Variants in EXOC4 observed in about 807,000 individuals in gnomAD.
The protein encoded by EXOC4 is SEC8-like 1.
In EXOC4, 71 loss-of-function variants were observed where a neutral mutation model predicts 107.2. The observed-to-expected ratio is 0.66, with a 90% CI of 0.55 to 0.81. The LOEUF (loss-of-function observed/expected upper bound fraction) is 0.81. Ranked by LOEUF, EXOC4 falls within the 30% of genes least tolerant of loss-of-function variation. The pLI, the probability that EXOC4 is intolerant of heterozygous loss-of-function variation, is 0.00. For missense variants in EXOC4, 1,108 were observed against 1,189.6 expected (o/e 0.93, Z 1.01); for synonymous variants, 456 against 441.2 (o/e 1.03, Z -0.42).
chr7:133,352,107 C>T (rs1358898080), intron 5 of EXOC4, among the ~76,000 whole-genome samples: 1 of 151,684 alleles, frequency 6.6e-6, no homozygotes, highest in Non-Finnish European at 1.5e-5. Context: ...TATGGTTTGT[C>T]CTGGAAAATG....
At chr7:133,834,097 T>C (rs1456124185) in intron 11 of EXOC4, among the ~76,000 whole-genome samples, 1 of 152,202 alleles carries the variant, frequency 6.6e-6, no homozygotes, top group Non-Finnish European at 1.5e-5. Flanking sequence ...TAAAAAGCTG[T>C]CCTTATTTGA....
Position 134,064,530 on chromosome 7 carries a change from A to G in EXOC4, c.*2A>G. ...GACAAGAAGATAACTACCGTTTAGC[A>G]GGGCGTACTGCGGTTGGTGACGGGG... On this transcript the variant is annotated 3_prime_UTR_variant, in exon 18 of 18. Transcript: ENST00000253861. 1 of 1,583,404 alleles carries G rather than the reference A, an allele frequency of 6.3e-7. No homozygotes were observed. The highest frequency in any genetic ancestry group is 8.6e-7 in the Non-Finnish European group (1 of 1,163,034).
At chr7:133,540,991 A>C (rs1800368847) in intron 9 of EXOC4, among the ~76,000 whole-genome samples, 1 of 152,166 alleles carries the variant, frequency 6.6e-6, no homozygotes, top group Non-Finnish European at 1.5e-5. Context: ...TAGGAAAAGG[A>C]AAGGTTTTAC....
At chr7:133,855,104 A>ATATAAAT (rs1798334354) in intron 11 of EXOC4, among the ~76,000 whole-genome samples, 1 of 61,906 alleles carries the variant, frequency 1.6e-5, no homozygotes, top group African/African-American at 6.1e-5. Context: ...TATATATATA[A>ATATAAAT]ATATATATAA....
intron 9 of EXOC4, among the ~76,000 whole-genome samples, chr7:133,483,822 A>C (rs1398038143): frequency 6.6e-6 from 1 of 152,210 alleles, no homozygotes; most frequent in East Asian, 1.9e-4. Context: ...CTTCCATTAA[A>C]AACGGCTGTC....
At chr7:134,024,737 C>T (rs376390745) in intron 17 of EXOC4, among the ~76,000 whole-genome samples, 2 of 152,156 alleles carry the variant, frequency 1.3e-5, no homozygotes, top group Admixed American at 6.5e-5. Flanking sequence ...ACCTCAGCTT[C>T]GCCCATCAGA....
At chr7:133,935,674 A>G (rs1050809357) in intron 13 of EXOC4, among the ~76,000 whole-genome samples, 1 of 152,206 alleles carries the variant, frequency 6.6e-6, no homozygotes, top group Non-Finnish European at 1.5e-5. Flanking sequence ...AATAGTTTTT[A>G]CCAAGTAAAA....
chr7:133,718,501 T>C (rs1180558795), intron 10 of EXOC4, among the ~76,000 whole-genome samples: 1 of 152,110 alleles, frequency 6.6e-6, no homozygotes, highest in Non-Finnish European at 1.5e-5. Context: ...AGCCAGCCCA[T>C]TGTCCAGGCA....
chr7:133,654,484 G>T (rs1311832890), intron 10 of EXOC4, among the ~76,000 whole-genome samples: 1 of 152,146 alleles, frequency 6.6e-6, no homozygotes, highest in African/African-American at 2.4e-5. Flanking sequence ...TACAGGTGGT[G>T]GTTGTAGAAA....
intron 9 of EXOC4, among the ~76,000 whole-genome samples, chr7:133,574,655 C>T (rs1175551715): frequency 6.6e-6 from 1 of 152,124 alleles, no homozygotes. Context: ...GAATGAAGCT[C>T]GTGGTCAGCA....
At chr7:133,683,628 A>C (rs1362695090) in intron 10 of EXOC4, among the ~76,000 whole-genome samples, 1 of 152,156 alleles carries the variant, frequency 6.6e-6, no homozygotes, top group African/African-American at 2.4e-5. Flanking sequence ...CCCCGTTTAA[A>C]AGCTCTACCC....
intron 9 of EXOC4, among the ~76,000 whole-genome samples, chr7:133,578,439 G>A (rs1801180100): frequency 6.6e-6 from 1 of 152,114 alleles, no homozygotes; most frequent in African/African-American, 2.4e-5. Flanking sequence ...TCTCATATGA[G>A]TGATCGTAGA....
the EXOC4 span, among the ~76,000 whole-genome samples, chr7:134,079,535 T>A: frequency 3.3e-5 from 5 of 152,192 alleles, no homozygotes; most frequent in Admixed American, 1.3e-4. Context: ...CCAGTACTAT[T>A]CCTGTTTAGA....
intron 10 of EXOC4, among the ~76,000 whole-genome samples, chr7:133,711,384 A>G (rs1367518138): frequency 6.6e-6 from 1 of 152,208 alleles, no homozygotes; most frequent in Admixed American, 6.5e-5. Flanking sequence ...AGAGAGTTTC[A>G]TGGATTTTTG....
chr7:133,887,988 A>T (rs1202593023), intron 11 of EXOC4, among the ~76,000 whole-genome samples: 2 of 152,194 alleles, frequency 1.3e-5, no homozygotes, highest in African/African-American at 4.8e-5. Flanking sequence ...CAGAAAAGGA[A>T]GTTGAACTTC....
chr7:133,981,585 A>G (rs1793979880), intron 14 of EXOC4, among the ~76,000 whole-genome samples: 1 of 152,184 alleles, frequency 6.6e-6, no homozygotes, highest in Non-Finnish European at 1.5e-5. Context: ...CTATTATTAA[A>G]AAGTCAGAAA....
At chr7:134,017,408 C>T (rs1428937889) in intron 17 of EXOC4, among the ~76,000 whole-genome samples, 1 of 152,040 alleles carries the variant, frequency 6.6e-6, no homozygotes, top group African/African-American at 2.4e-5. Context: ...CTTCCACTGC[C>T]AGATAGAAAG....
chr7:134,047,912 C>T (rs936292399), intron 17 of EXOC4, among the ~76,000 whole-genome samples: 1 of 152,204 alleles, frequency 6.6e-6, no homozygotes, highest in Non-Finnish European at 1.5e-5. Context: ...TGATGCGAGG[C>T]TGGCCATGCC....
chr7:133,385,234 A>G (rs1355840250), intron 7 of EXOC4, among the ~76,000 whole-genome samples: 7 of 152,170 alleles, frequency 4.6e-5, no homozygotes, highest in Non-Finnish European at 8.8e-5. Flanking sequence ...GGTAGCTCAG[A>G]TTTAAATGGA....
Sources: allele counts gnomAD v4.1 joint callset (sites outside exome capture counted in the v4.1 genomes callset), GRCh38; gene constraint gnomAD v4.1.1; transcripts MANE v1.5; gene names NCBI Gene and HGNC (gene_info 2026-07-23, HGNC 2026-07-21).